Variants in BRWD3 observed in about 807,000 individuals in gnomAD.
BRWD3 encodes bromodomain and WD repeat domain containing 3, also known as bromodomain and WD repeat-containing protein 3.
In BRWD3, 10 loss-of-function variants were observed where a neutral mutation model predicts 149.7. The ratio of observed to expected loss-of-function variants is 0.07; its 90% CI spans 0.04 to 0.11. The LOEUF (loss-of-function observed/expected upper bound fraction) is 0.11, where lower values mean the gene tolerates loss of function less well. Ranked by LOEUF, BRWD3 falls within the 10% of genes least tolerant of loss-of-function variation. The pLI is 1.00. For synonymous variants in BRWD3, 504 were observed against 456.7 expected, an observed-to-expected ratio of 1.10 and a Z score of -1.32; for missense variants, 940 against 1,373.2, an observed-to-expected ratio of 0.68 and a Z score of 4.99.
intron 37 of BRWD3, 69 bp downstream of exon 37, chrX:80,683,941 A>G (rs2072488778): frequency 2.8e-6 from 3 of 1,053,914 alleles, no homozygotes; most frequent in African/African-American, 3.7e-5. Flanking sequence ...CAAAAAAGAT[A>G]CTGAGGACCA....
At position 80,674,537 on chromosome X, in the gene BRWD3, C is replaced by T. The variant is rs1439715385; in HGVS notation, c.*2072G>A. ...ATTATTGATTTCAGGAATACAGGCACAATTTAGTCTAAATGCCCAAGAGAT... is the reference window on the plus strand; with the variant it reads ...ATTATTGATTTCAGGAATACAGGCATAATTTAGTCTAAATGCCCAAGAGAT... On this transcript the variant is annotated 3_prime_UTR_variant, in exon 41 of 41. Transcript: ENST00000373275. The T allele has an allele frequency of 1.8e-5, 2 of 111,488 alleles. No individual in the cohort carries two copies. The highest frequency in any genetic ancestry group is 3.8e-5 in the Non-Finnish European group (2 of 52,999). The allele number at this position is 111,488 out of a possible 1,213,427, so 9.2% of individuals were successfully genotyped here. A position where few individuals can be genotyped will look rare whatever the true frequency, so the allele number is the denominator to read the frequency against.
rs1341625242 is a variant in BRWD3 at position 80,692,962 on chromosome X, A to G, written c.3241T>C (p.Ser1081Pro). 3 of 1,208,974 alleles carry G rather than the reference A, an allele frequency of 2.5e-6. No homozygotes were observed. Among genetic ancestry groups the G allele is most frequent in the Non-Finnish European group, 3.4e-6 (3 of 892,819 alleles). ...TACTGAACACTGTAACACTGGAAAGAACTATCAGGATACTCTGGTTGAAAA... is the reference window on the plus strand; with the variant it reads ...TACTGAACACTGTAACACTGGAAAGGACTATCAGGATACTCTGGTTGAAAA... ...QPFQPEYPDSSFQCYSVHWDN... is the reference protein window; with the variant it reads ...QPFQPEYPDSPFQCYSVHWDN... The change falls in exon 28 of 41, where the codon TCT (serine) becomes CCT (proline). Residue 1081 changes from serine (S) to proline (P), a missense_variant. This residue lies in a region of BRWD3 where 158 missense variants were observed against 284.0 expected (regional missense o/e 0.56). Transcript: ENST00000373275.
In BRWD3 at chrX:80,731,655, G is replaced by A. The variant is rs1479797650; in HGVS notation, c.1128-1635C>T. Among the ~76,000 whole-genome samples the A allele has an allele frequency of 2.7e-5, 3 of 110,585 alleles. No individual in the cohort carries two copies. The East Asian group carries it at 8.4e-4, about 31-fold the overall frequency. ...CACGCCTGTAATCCTAGCACTTTGG[G>A]AGGCCGAGGCGGGCAGATCACAAGG... On this transcript the variant is annotated intron_variant, in intron 12 of 40. Transcript: ENST00000373275.
At chrX:80,678,843 G>A (rs186914032) in intron 40 of BRWD3, among the ~76,000 whole-genome samples, 2 of 111,575 alleles carry the variant, frequency 1.8e-5, no homozygotes, top group East Asian at 5.7e-4. Context: ...TTCATATGTG[G>A]AAGCCCTAAT....
At chrX:80,688,414 G>A (rs2072563633) in intron 33 of BRWD3, among the ~76,000 whole-genome samples, 1 of 111,270 alleles carries the variant, frequency 9.0e-6, no homozygotes, top group Non-Finnish European at 1.9e-5. Flanking sequence ...GTATCTAAGT[G>A]TTAGTATTTT....
intron 12 of BRWD3, among the ~76,000 whole-genome samples, chrX:80,730,425 G>GAAAGA (rs1555972918): frequency 9.2e-6 from 1 of 108,659 alleles, no homozygotes; most frequent in African/African-American, 3.3e-5. Context: ...AAGAAAGAAA[G>GAAAGA]AAAGAAAGAA....
At chrX:80,713,029 C>A (rs1233493929) in intron 20 of BRWD3, among the ~76,000 whole-genome samples, 1 of 108,675 alleles carries the variant, frequency 9.2e-6, no homozygotes, top group Non-Finnish European at 1.9e-5. Flanking sequence ...GGGGGGCCAG[C>A]CCCCCGCCCG....
At chrX:80,688,258 AAGAT>A in intron 33 of BRWD3, 133 bp from the exon 34 acceptor site, 6 of 528,125 alleles carry the variant, frequency 1.1e-5, no homozygotes, top group Non-Finnish European at 1.7e-5. Context: ...AGTAGAACAA[AAGAT>A]AGAGGGAGAC....
At chrX:80,741,093 T>C (rs1284664613) in intron 8 of BRWD3, among the ~76,000 whole-genome samples, 2 of 109,624 alleles carry the variant, frequency 1.8e-5, no homozygotes, top group Non-Finnish European at 3.8e-5. Flanking sequence ...TGGTGTGTGA[T>C]GTTCCCCTTC....
At chrX:80,799,854 G>A (rs1245138548) in intron 4 of BRWD3, among the ~76,000 whole-genome samples, 1 of 110,998 alleles carries the variant, frequency 9.0e-6, no homozygotes, top group African/African-American at 3.3e-5. Flanking sequence ...AAACAGTAAT[G>A]ATAACTATCT....
At chrX:80,711,887 T>C (rs1312811520) in intron 20 of BRWD3, among the ~76,000 whole-genome samples, 3 of 111,686 alleles carry the variant, frequency 2.7e-5, no homozygotes, top group African/African-American at 9.8e-5. Flanking sequence ...CTAAATTGTA[T>C]AAATCCAACC....
chrX:80,692,261 CAG>C, intron 28 of BRWD3, 111 bp from the exon 29 acceptor site: 1 of 668,782 alleles, frequency 1.5e-6, no homozygotes, highest in Admixed American at 2.6e-5. Context: ...AAGGGCAATA[CAG>C]TTGTCTTGAA....
At chrX:80,729,839 G>T (rs1231614025) in intron 13 of BRWD3, 77 bp downstream of exon 13, 3 of 698,797 alleles carry the variant, frequency 4.3e-6, no homozygotes, top group African/African-American at 2.2e-5. Flanking sequence ...AATGTAAAAA[G>T]ATATTTTATA....
At chrX:80,786,046 A>T (rs1186576611) in intron 6 of BRWD3, among the ~76,000 whole-genome samples, 2 of 111,916 alleles carry the variant, frequency 1.8e-5, no homozygotes, top group East Asian at 5.6e-4. Context: ...GAAAAAAGAA[A>T]ATCAAATTTG....
chrX:80,693,311 T>C lies in BRWD3; in HGVS notation c.3152-260A>G, dbSNP rs777130580. 3.6e-5 allele frequency among the ~76,000 whole-genome samples: 4 copies of C among 112,335 alleles called. No homozygotes were observed. The South Asian group carries it at 1.5e-3, about 42-fold the overall frequency. ...TACTACCAAGCATAATTTAACTTTT[T>C]TCAATTAATTAGCATCATCATTAGG... On this transcript the variant is annotated intron_variant, in intron 27 of 40. Coordinates refer to ENST00000373275, the MANE Select transcript of BRWD3 (RefSeq NM_153252.5).
At chrX:80,766,861 C>T (rs73227323) in intron 6 of BRWD3, among the ~76,000 whole-genome samples, 3 of 111,828 alleles carry the variant, frequency 2.7e-5, no homozygotes, top group African/African-American at 9.7e-5. Context: ...TCCTAGCCAA[C>T]GGAAGCCTTG....
At chrX:80,724,005 T>A in intron 15 of BRWD3, 129 bp from the exon 16 acceptor site, 1 of 770,241 alleles carries the variant, frequency 1.3e-6, no homozygotes, top group Non-Finnish European at 1.9e-6. Context: ...CTCTGGCTTC[T>A]GCAGCCAGAA....
chrX:80,703,729 A>C (rs956649851), intron 23 of BRWD3, 136 bp from the exon 24 acceptor site: 35 of 436,725 alleles, frequency 8.0e-5, no homozygotes, highest in Non-Finnish European at 1.3e-4. Context: ...AAAGTATATA[A>C]ATTTGAATGA....
intron 24 of BRWD3, among the ~76,000 whole-genome samples, chrX:80,700,891 T>C (rs1269134465): frequency 9.0e-6 from 1 of 111,343 alleles, no homozygotes. Flanking sequence ...ATAGGTTATA[T>C]GCAAATACTA....
Sources: allele counts gnomAD v4.1 joint callset (sites outside exome capture counted in the v4.1 genomes callset), GRCh38; gene constraint gnomAD v4.1.1; regional missense constraint gnomAD v4.1.1; transcripts MANE v1.5; gene names NCBI Gene and HGNC (gene_info 2026-07-23, HGNC 2026-07-21).